PCDH9: variants seen among roughly 807,000 people sequenced by gnomAD.
PCDH9 encodes the protein protocadherin 9.
Under a neutral mutation model 70.6 loss-of-function variants are expected in PCDH9, and 24 were observed. The observed-to-expected ratio is 0.34, with a 90% CI of 0.25 to 0.48. The LOEUF is 0.48. Among genes scored for constraint, PCDH9 ranks in the 20% least tolerant of loss-of-function variants. The pLI is 0.99. For synonymous variants in PCDH9, 562 were observed against 558.5 expected, an observed-to-expected ratio of 1.01 and a Z score of -0.09; for missense variants, 1,281 against 1,503.6, an observed-to-expected ratio of 0.85 and a Z score of 2.45.
intron 2 of PCDH9, chr13:67,204,596 T>G (rs2089294925): frequency 6.6e-6 from 1 of 152,230 alleles, no homozygotes; most frequent in Admixed American, 6.5e-5. Context: ...CTCAGACTAT[T>G]TAATTTGGCT....
At chr13:66,594,407 A>G (rs1256499876) in intron 4 of PCDH9, among the ~76,000 whole-genome samples, 1 of 151,794 alleles carries the variant, frequency 6.6e-6, no homozygotes, top group East Asian at 1.9e-4. Context: ...AAAAATATTG[A>G]TGAGCCCAGA....
intron 4 of PCDH9, among the ~76,000 whole-genome samples, chr13:66,535,606 C>T (rs1960664165): frequency 6.6e-6 from 1 of 152,010 alleles, no homozygotes; most frequent in South Asian, 2.1e-4. Flanking sequence ...TCCAGAATTT[C>T]ATACTAAACT....
chr13:67,227,770 A>G lies in PCDH9; in HGVS notation c.671T>C (p.Val224Ala). The G allele has an allele frequency of 6.2e-7, 1 of 1,613,704 alleles. No individual in the cohort carries two copies. Among genetic ancestry groups the G allele is most frequent in the Non-Finnish European group, 8.5e-7 (1 of 1,179,616 alleles). ...TTTCTGTGGAGTGCCTCCATCCTCT[A>G]CTTTGATTTTCATCACATAGGTATC... ...QKDTYVMKIK[V>A]EDGGTPQKSS... The change falls in exon 2 of 5, where the codon GTA (valine) becomes GCA (alanine). Residue 224 changes from valine to alanine, a missense_variant. This residue lies in a region of PCDH9 where 798 missense variants were observed against 1,003.1 expected (regional missense o/e 0.80). Coordinates refer to ENST00000377865, the MANE Select transcript of PCDH9 (RefSeq NM_203487.3). This position sits in a 1 kb window ranked among gnomAD's most constrained non-coding sequence, Gnocchi z 4.6.
intron 4 of PCDH9, among the ~76,000 whole-genome samples, chr13:66,557,906 G>A (rs1310538974): frequency 1.3e-5 from 2 of 152,118 alleles, no homozygotes; most frequent in African/African-American, 4.8e-5. Flanking sequence ...AATCCCAACA[G>A]TTTGCGAGGC....
chr13:66,494,831 A>G (rs888259556), intron 4 of PCDH9, among the ~76,000 whole-genome samples: 36 of 152,186 alleles, frequency 2.4e-4, no homozygotes, highest in Non-Finnish European at 4.6e-4. Flanking sequence ...AAATGTTTCA[A>G]CCAAAGGCAA....
At chr13:66,953,495 C>T (rs2083217632) in intron 2 of PCDH9, among the ~76,000 whole-genome samples, 1 of 152,142 alleles carries the variant, frequency 6.6e-6, no homozygotes, top group South Asian at 2.1e-4. Flanking sequence ...TACACATAAA[C>T]TTCCTACAAA....
At chr13:66,393,226 A>G (rs769798932) in intron 4 of PCDH9, among the ~76,000 whole-genome samples, 5 of 152,182 alleles carry the variant, frequency 3.3e-5, no homozygotes, top group Non-Finnish European at 5.9e-5. Context: ...GATAATAGAA[A>G]ATTCAGAATA....
chr13:67,226,819 G>A lies in PCDH9; in HGVS notation c.1622C>T (p.Thr541Ile). 6.2e-7 allele frequency: 1 copy of A among 1,614,122 alleles called. No individual in the cohort carries two copies. ...DREEQERFIF[T>I]VTARDNGTPP... is the part of the protein sequence containing the mutation. ...GGTCCCATTGTCCCTGGCAGTTACT[G>A]TAAAAATGAATCGTTCTTGTTCTTC... The change falls in exon 2 of 5, where the codon ACA (threonine) becomes ATA (isoleucine). Residue 541 changes from threonine (T) to isoleucine (I), a missense_variant. Coordinates refer to ENST00000377865, the MANE Select transcript of PCDH9 (RefSeq NM_203487.3). This position sits in a 1 kb window ranked among gnomAD's most constrained non-coding sequence, Gnocchi z 5.0.
intron 2 of PCDH9, among the ~76,000 whole-genome samples, chr13:66,964,167 A>G (rs2083394803): frequency 6.6e-6 from 1 of 152,114 alleles, no homozygotes; most frequent in African/African-American, 2.4e-5. Context: ...AGTAAGCATT[A>G]TACAGACATG....
At chr13:66,499,022 A>G (rs907115211) in intron 4 of PCDH9, among the ~76,000 whole-genome samples, 2 of 151,936 alleles carry the variant, frequency 1.3e-5, no homozygotes, top group African/African-American at 4.8e-5. Context: ...TTTACTTTTC[A>G]TCATTGTTTA....
At chr13:66,646,438 A>T (rs1354193422) in intron 3 of PCDH9, among the ~76,000 whole-genome samples, 1 of 152,248 alleles carries the variant, frequency 6.6e-6, no homozygotes, top group African/African-American at 2.4e-5. Context: ...TCTTATTTGA[A>T]TTGATATATC....
intron 3 of PCDH9, among the ~76,000 whole-genome samples, chr13:66,659,553 T>TGTGTGTGTGTGTGTGTGTGTG (rs59132032): frequency 0.038 from 5,619 of 148,780 alleles, 287 homozygotes; most frequent in African/African-American, 0.098. Flanking sequence ...GTGTGTGTGT[T>TGTGTGTGTGTGTGTGTGTGTG]TGTGTGTGTT....
intron 2 of PCDH9, among the ~76,000 whole-genome samples, chr13:67,020,640 A>C (rs2084656870): frequency 6.6e-6 from 1 of 152,238 alleles, no homozygotes; most frequent in Non-Finnish European, 1.5e-5. Flanking sequence ...GTTACTAGCC[A>C]AATCCCTGCG....
chr13:66,916,871 C>T (rs2082566457), intron 2 of PCDH9, among the ~76,000 whole-genome samples: 1 of 151,400 alleles, frequency 6.6e-6, no homozygotes, highest in Non-Finnish European at 1.5e-5. Context: ...GGAAGCTTAA[C>T]GAAGGAAGGA....
At chr13:66,846,136 C>CAAAAAAAAAAAAA (rs56199120) in intron 3 of PCDH9, among the ~76,000 whole-genome samples, 1 of 134,524 alleles carries the variant, frequency 7.4e-6, no homozygotes. Flanking sequence ...AAAAAAAGAC[C>CAAAAAAAAAAAAA]AAAAAAAAAA....
chr13:66,893,829 AT>A (rs1237146592), intron 3 of PCDH9, among the ~76,000 whole-genome samples: 2 of 151,796 alleles, frequency 1.3e-5, no homozygotes, highest in South Asian at 2.1e-4. Context: ...ATTCTAACCT[AT>A]TTTTTTCTAT....
chr13:66,912,029 A>C (rs557686561), intron 2 of PCDH9, among the ~76,000 whole-genome samples: 1 of 152,294 alleles, frequency 6.6e-6, no homozygotes, highest in East Asian at 1.9e-4. Flanking sequence ...ATTATCATTT[A>C]ACTGTATTTG....
intron 2 of PCDH9, among the ~76,000 whole-genome samples, chr13:67,106,987 G>A (rs972279756): frequency 1.3e-5 from 2 of 152,170 alleles, no homozygotes; most frequent in African/African-American, 4.8e-5. Flanking sequence ...GTCTACATGA[G>A]GTCTGCAGGT....
chr13:67,077,878 G>A (rs1008309889), intron 2 of PCDH9, among the ~76,000 whole-genome samples: 6 of 151,894 alleles, frequency 4.0e-5, no homozygotes, highest in South Asian at 2.1e-4. Context: ...CATGTATATC[G>A]ATTTAGATAT....
Sources: allele counts gnomAD v4.1 joint callset (sites outside exome capture counted in the v4.1 genomes callset), GRCh38; gene constraint gnomAD v4.1.1; regional missense constraint gnomAD v4.1.1; non-coding constraint Gnocchi (gnomAD v3.1); transcripts MANE v1.5; gene names NCBI Gene and HGNC (gene_info 2026-07-23, HGNC 2026-07-21).